Variants in FARS2 observed in about 807,000 individuals in gnomAD.
The protein encoded by FARS2 is phenylalanine--tRNA ligase, mitochondrial.
A neutral mutation model predicts 46.4 loss-of-function variants in FARS2; 40 were observed. The observed-to-expected ratio is 0.86, with a 90% CI of 0.67 to 1.12. The LOEUF (loss-of-function observed/expected upper bound fraction) is 1.12, where lower values mean the gene tolerates loss of function less well. Among genes scored for constraint, FARS2 ranks in the 50% most tolerant of loss-of-function variants. The probability of loss-of-function intolerance (pLI) is 0.00; values close to 1 mark genes in which losing one functional copy is unlikely to be tolerated. For missense variants in FARS2, 513 were observed against 567.9 expected (o/e 0.90, Z 0.98); for synonymous variants, 234 against 214.9 (o/e 1.09, Z -0.78).
At chr6:5,551,036 G>A (rs1771342453) in intron 5 of FARS2, among the ~76,000 whole-genome samples, 1 of 152,162 alleles carries the variant, frequency 6.6e-6, no homozygotes. Flanking sequence ...GTATAGATAG[G>A]CTAAGAATTT....
chr6:5,432,632 A>G (rs1763293217), intron 4 of FARS2, among the ~76,000 whole-genome samples: 1 of 148,790 alleles, frequency 6.7e-6, no homozygotes. Context: ...ATTGGATAGG[A>G]ACTGATGTGG....
chr6:5,551,545 A>G (rs1771374999), intron 5 of FARS2, among the ~76,000 whole-genome samples: 1 of 152,214 alleles, frequency 6.6e-6, no homozygotes, highest in Non-Finnish European at 1.5e-5. Context: ...ATTTGTTACA[A>G]GCAATACCTC....
At chr6:5,356,472 GAT>G (rs1757937150) in intron 1 of FARS2, among the ~76,000 whole-genome samples, 1 of 152,116 alleles carries the variant, frequency 6.6e-6, no homozygotes, top group South Asian at 2.1e-4. Flanking sequence ...ATAGATGATA[GAT>G]AGATAGATTA....
chr6:5,646,757 T>C (rs542773862), intron 6 of FARS2, among the ~76,000 whole-genome samples: 11 of 152,358 alleles, frequency 7.2e-5, no homozygotes, highest in African/African-American at 2.4e-4. Flanking sequence ...GTAAATTCTA[T>C]GTAAATAGTT....
intron 2 of FARS2, among the ~76,000 whole-genome samples, chr6:5,372,417 A>G (rs1413797440): frequency 1.3e-5 from 2 of 152,124 alleles, no homozygotes; most frequent in Non-Finnish European, 2.9e-5. Context: ...TTTATATGCA[A>G]ATGTCAGAAG....
At chr6:5,671,429 G>C (rs188189444) in intron 6 of FARS2, among the ~76,000 whole-genome samples, 1 of 152,302 alleles carries the variant, frequency 6.6e-6, no homozygotes, top group African/African-American at 2.4e-5. Flanking sequence ...CGTTGAGCTG[G>C]GGCTCTGCTC....
At chr6:5,723,168 G>C (rs1010895954) in intron 6 of FARS2, among the ~76,000 whole-genome samples, 3 of 152,130 alleles carry the variant, frequency 2.0e-5, no homozygotes, top group African/African-American at 7.2e-5. Flanking sequence ...GACAGGCCAC[G>C]AATGGGCCAC....
intron 1 of FARS2, among the ~76,000 whole-genome samples, chr6:5,297,863 AT>A (rs1768004783): frequency 6.6e-6 from 1 of 152,186 alleles, no homozygotes; most frequent in African/African-American, 2.4e-5. Flanking sequence ...CCTTTAAATA[AT>A]TTAAAGCAAA....
At chr6:5,251,515 G>C in the FARS2 span, among the ~76,000 whole-genome samples, 1 of 152,162 alleles carries the variant, frequency 6.6e-6, no homozygotes, top group Non-Finnish European at 1.5e-5. Context: ...TCACAGGCCA[G>C]AGCAGGAGCA....
At chr6:5,719,546 T>C (rs1350905689) in intron 6 of FARS2, among the ~76,000 whole-genome samples, 1 of 152,134 alleles carries the variant, frequency 6.6e-6, no homozygotes, top group Non-Finnish European at 1.5e-5. Flanking sequence ...GCGGGAGACC[T>C]TTCTTCAGAA....
intron 4 of FARS2, among the ~76,000 whole-genome samples, chr6:5,504,636 G>A (rs985251896): frequency 4.6e-5 from 7 of 152,018 alleles, no homozygotes; most frequent in Admixed American, 1.3e-4. Flanking sequence ...CACCAAGCTC[G>A]TATCAAACAC....
intron 2 of FARS2, among the ~76,000 whole-genome samples, chr6:5,399,127 TTTATTATTATTATTATTATTATTATTA>T (rs56236107): frequency 4.0e-5 from 5 of 125,844 alleles, no homozygotes; most frequent in Non-Finnish European, 6.5e-5. Flanking sequence ...TTTATATTAT[TTTATTATTATTATTATTATTATTATTA>T]TTATTATTAT....
chr6:5,661,699 G>C (rs1777858773), intron 6 of FARS2, among the ~76,000 whole-genome samples: 1 of 152,134 alleles, frequency 6.6e-6, no homozygotes, highest in African/African-American at 2.4e-5. Context: ...TCACTCAGGG[G>C]GCCAGAAGCA....
chr6:5,507,089 C>G (rs541945175), intron 4 of FARS2, among the ~76,000 whole-genome samples: 14 of 152,232 alleles, frequency 9.2e-5, no homozygotes, highest in Non-Finnish European at 1.8e-4. Flanking sequence ...CTCTTTAACC[C>G]CTTTCTGCCA....
At chr6:5,715,300 C>T (rs1759428816) in intron 6 of FARS2, among the ~76,000 whole-genome samples, 1 of 152,146 alleles carries the variant, frequency 6.6e-6, no homozygotes, top group Non-Finnish European at 1.5e-5. Flanking sequence ...CACCTGTACC[C>T]CTGCCCACAC....
Position 5,342,995 on chromosome 6 carries a change from C to A in FARS2, c.-21-25555C>A, listed in dbSNP as rs144318674. Among the ~76,000 whole-genome samples the A allele has an allele frequency of 4.5e-3, 681 of 152,238 alleles. 2 individuals are homozygous for A. The highest frequency in any genetic ancestry group is 7.5e-3 in the Non-Finnish European group (507 of 68,000). The stretch of plus-strand genomic sequence containing the variant: ...GGTATACAGCTTACTACAGGCCCGT[C>A]ATCGACAGAAGGCAGCTAGTGCCTT... On this transcript the variant is annotated intron_variant, in intron 1 of 6. Transcript: ENST00000274680.
intron 2 of FARS2, among the ~76,000 whole-genome samples, chr6:5,387,630 G>T (rs918183425): frequency 6.6e-6 from 1 of 152,188 alleles, no homozygotes; most frequent in Non-Finnish European, 1.5e-5. Flanking sequence ...GCTTATAGAG[G>T]CAGTCTACAT....
intron 4 of FARS2, among the ~76,000 whole-genome samples, chr6:5,484,299 T>C (rs1038398455): frequency 6.6e-6 from 1 of 152,178 alleles, no homozygotes; most frequent in Non-Finnish European, 1.5e-5. Flanking sequence ...GCATTACCAA[T>C]CAGAAGTTAG....
At chr6:5,333,698 A>T (rs577902726) in intron 1 of FARS2, among the ~76,000 whole-genome samples, 20 of 152,066 alleles carry the variant, frequency 1.3e-4, no homozygotes, top group African/African-American at 4.1e-4. Context: ...TAAAAACTGT[A>T]CTCCGGCCAC....
Sources: allele counts gnomAD v4.1 joint callset (sites outside exome capture counted in the v4.1 genomes callset), GRCh38; gene constraint gnomAD v4.1.1; transcripts MANE v1.5; gene names NCBI Gene and HGNC (gene_info 2026-07-23, HGNC 2026-07-21).